The following PHAF1 variants were observed in gnomAD, a reference collection of about 807,000 sequenced individuals.
PHAF1 encodes the protein phagophore assembly factor 1.
PHAF1 carries 23 observed loss-of-function variants against 63.1 expected under a neutral mutation model. The ratio of observed to expected loss-of-function variants is 0.36; its 90% CI spans 0.26 to 0.52. PHAF1 has a LOEUF of 0.52. PHAF1 is among the 20% of genes least tolerant of loss of function. The pLI, the probability that PHAF1 is intolerant of heterozygous loss-of-function variation, is 0.93. For synonymous variants in PHAF1, 167 were observed against 185.0 expected, an observed-to-expected ratio of 0.90 and a Z score of 0.79; for missense variants, 427 against 517.2, an observed-to-expected ratio of 0.83 and a Z score of 1.69.
chr16:67,145,262 C>T (rs910661545), intron 12 of PHAF1, 114 bp from the exon 13 acceptor site: 7 of 1,198,218 alleles, frequency 5.8e-6, no homozygotes, highest in African/African-American at 4.5e-5. Context: ...GTTAATCCTC[C>T]CCATGTACTC....
chr16:67,115,313 T>C (rs1962693274), intron 1 of PHAF1, among the ~76,000 whole-genome samples: 2 of 152,210 alleles, frequency 1.3e-5, no homozygotes, highest in Admixed American at 1.3e-4. Flanking sequence ...AGAGGCTTCA[T>C]TGAATAAGGC....
intron 3 of PHAF1, among the ~76,000 whole-genome samples, chr16:67,131,033 A>G (rs1389899409): frequency 1.3e-5 from 2 of 152,208 alleles, no homozygotes; most frequent in Non-Finnish European, 2.9e-5. Context: ...CAGGAGGATC[A>G]TTTGAGCCCA....
chr16:67,110,973 G>T (rs963516906), intron 1 of PHAF1, among the ~76,000 whole-genome samples: 1 of 152,032 alleles, frequency 6.6e-6, no homozygotes, highest in African/African-American at 2.4e-5. Context: ...CACCACACCC[G>T]GCTAATTTTT....
intron 2 of PHAF1, 144 bp downstream of exon 2, chr16:67,120,338 C>CT: frequency 1.4e-6 from 1 of 709,812 alleles, no homozygotes; most frequent in South Asian, 1.9e-5. Flanking sequence ...TATCAAGTAC[C>CT]TTTTCTTTGA....
chr16:67,128,523 CT>C (rs1412205801), intron 3 of PHAF1, among the ~76,000 whole-genome samples: 5 of 152,220 alleles, frequency 3.3e-5, no homozygotes, highest in Non-Finnish European at 7.3e-5. Context: ...TTCCCACCCC[CT>C]GCCTCAAGCC....
At chr16:67,123,436 G>T (rs1392570001) in intron 2 of PHAF1, among the ~76,000 whole-genome samples, 3 of 152,076 alleles carry the variant, frequency 2.0e-5, no homozygotes, top group South Asian at 2.1e-4. Context: ...AATTAGCCAG[G>T]TGTGGTGGTG....
At chr16:67,144,422 G>C (rs770297578) in intron 11 of PHAF1, 46 bp downstream of exon 11, 1 of 1,406,604 alleles carries the variant, frequency 7.1e-7, no homozygotes, top group Non-Finnish European at 1.0e-6. Context: ...TGAGTTTTGG[G>C]CTGAAAACCC....
intron 3 of PHAF1, among the ~76,000 whole-genome samples, chr16:67,128,734 G>A (rs564468308): frequency 6.6e-6 from 1 of 152,324 alleles, no homozygotes; most frequent in African/African-American, 2.4e-5. Flanking sequence ...TCCAAGAGAT[G>A]AAATCTGCTT....
chr16:67,131,463 A>G (rs1216752975), intron 4 of PHAF1, 134 bp downstream of exon 4: 5 of 649,854 alleles, frequency 7.7e-6, no homozygotes. Context: ...TCCTGAGGCA[A>G]CCTTCAAGCC....
Position 67,147,172 on chromosome 16 carries a change from C to A in PHAF1, c.*41C>A. 6.5e-7 allele frequency: 1 copy of A among 1,547,428 alleles called. No homozygotes were observed. Among genetic ancestry groups the A allele is most frequent in the Non-Finnish European group, 8.9e-7 (1 of 1,119,988 alleles). ...TGCCCCTCTGTCCCGTGGAACTGTG[C>A]ATCACATCCTGCTCAGTGGGCCTCT... On this transcript the variant is annotated 3_prime_UTR_variant, in exon 16 of 16. Transcript: ENST00000219139.
chr16:67,120,323 C>G, intron 2 of PHAF1, 129 bp downstream of exon 2: 1 of 783,184 alleles, frequency 1.3e-6, no homozygotes, highest in Non-Finnish European at 2.0e-6. Flanking sequence ...CTAGCACCAG[C>G]CAGTTATCAA....
intron 3 of PHAF1, among the ~76,000 whole-genome samples, chr16:67,129,120 G>A (rs1963298685): frequency 6.6e-6 from 1 of 152,188 alleles, no homozygotes; most frequent in African/African-American, 2.4e-5. Context: ...ATGCCAGTTT[G>A]GCATGATATA....
At chr16:67,121,947 G>C (rs181510831) in intron 2 of PHAF1, among the ~76,000 whole-genome samples, 218 of 152,194 alleles carry the variant, frequency 1.4e-3, no homozygotes, top group Non-Finnish European at 2.4e-3. Flanking sequence ...ATCCAGACTA[G>C]AGTGTAGTGA....
chr16:67,146,157 C>CA (rs781031735), intron 14 of PHAF1, 121 bp from the exon 15 acceptor site: 157 of 903,750 alleles, frequency 1.7e-4, no homozygotes, highest in Non-Finnish European at 2.7e-4. Context: ...GGGAAACAGA[C>CA]AGACACTCAC....
intron 10 of PHAF1, among the ~76,000 whole-genome samples, chr16:67,141,786 T>C (rs1270157794): frequency 1.3e-5 from 2 of 152,182 alleles, no homozygotes; most frequent in Non-Finnish European, 2.9e-5. Context: ...ACCCGGAAGC[T>C]TGGGGACACC....
chr16:67,136,922 C>T (rs562086314), intron 8 of PHAF1, among the ~76,000 whole-genome samples: 27 of 152,116 alleles, frequency 1.8e-4, no homozygotes, highest in Non-Finnish European at 1.0e-4. Flanking sequence ...TTTGGGAGGC[C>T]GAGGTGGGCG....
At chr16:67,114,651 C>G (rs1002253926) in intron 1 of PHAF1, among the ~76,000 whole-genome samples, 2 of 151,804 alleles carry the variant, frequency 1.3e-5, no homozygotes, top group Non-Finnish European at 2.9e-5. Flanking sequence ...GCATGATGTA[C>G]TGGTAGAAGA....
At position 67,125,986 on chromosome 16, in the gene PHAF1, A is replaced by G; in HGVS notation, c.175A>G (p.Asn59Asp). Residue 59 changes from asparagine to aspartate, a missense_variant, in exon 3 of 16, where the codon AAC becomes GAC. Coordinates refer to ENST00000219139, the MANE Select transcript of PHAF1 (RefSeq NM_025187.5). ...TCCTCTAAGCCATGACCTCATTCTT[A>G]ACCTGACTCAGGACGGGATCAAACT... ...QSPLSHDLIL[N>D]LTQDGIKLMF... 6.2e-7 allele frequency: 1 copy of G among 1,612,734 alleles called. No individual in the cohort carries two copies. The highest frequency in any genetic ancestry group is 8.5e-7 in the Non-Finnish European group (1 of 1,179,492).
In PHAF1 at chr16:67,110,161, AG is replaced by A. The variant is rs1260561100; in HGVS notation, c.-13del. The A allele has an allele frequency of 1.9e-6, 3 of 1,550,800 alleles. No individual in the cohort carries two copies. Among genetic ancestry groups the A allele is most frequent in the Middle Eastern group, 2.0e-4 (1 of 4,968 alleles). The stretch of plus-strand genomic sequence containing the variant: ...CTGCCGCAGGGAGGCCGCCCGGGCC[AG>A]GCGAGCCGAACCAATGCTGGACCTG... On this transcript the variant is annotated 5_prime_UTR_variant, in exon 1 of 16. Coordinates refer to ENST00000219139, the MANE Select transcript of PHAF1 (RefSeq NM_025187.5).
Sources: gnomAD v4.1 joint callset for allele counts (sites outside exome capture counted in the v4.1 genomes callset) on GRCh38, gnomAD v4.1.1 for gene constraint, MANE v1.5 for transcripts, NCBI Gene and HGNC (gene_info 2026-07-23, HGNC 2026-07-21) for gene names.